SOX5: variants seen among roughly 807,000 people sequenced by gnomAD.
SOX5 encodes transcription factor SOX-5.
A neutral mutation model predicts 92.0 loss-of-function variants in SOX5; 9 were observed. The ratio of observed to expected loss-of-function variants is 0.10; its 90% CI spans 0.06 to 0.17. The LOEUF (loss-of-function observed/expected upper bound fraction) is 0.17. Ranked by LOEUF, SOX5 falls within the 10% of genes least tolerant of loss-of-function variation. The pLI is 1.00. For synonymous variants in SOX5, 344 were observed against 336.3 expected (o/e 1.02, Z -0.25); for missense variants, 642 against 944.5 (o/e 0.68, Z 4.20).
At chr12:23,591,686 A>G (rs565702814) in intron 9 of SOX5, among the ~76,000 whole-genome samples, 3 of 152,150 alleles carry the variant, frequency 2.0e-5, no homozygotes, top group Non-Finnish European at 4.4e-5. Flanking sequence ...GTATTCATGT[A>G]GGGTTGACCT....
chr12:24,441,125 G>A lies in SOX5; in HGVS notation c.-250-72486C>T, dbSNP rs538712321. ...ATTTGTTTCCCAATCCAGAACCCACGTCATAAGACTTTGATCAGAAGGAAC... is the reference window on the plus strand; with the variant it reads ...ATTTGTTTCCCAATCCAGAACCCACATCATAAGACTTTGATCAGAAGGAAC... On this transcript the variant is annotated intron_variant, in intron 1 of 4. Coordinates refer to the SOX5 transcript ENST00000446891. Among the ~76,000 whole-genome samples, 17 of 152,212 alleles carry A rather than the reference G, an allele frequency of 1.1e-4. No individual in the cohort carries two copies. The East Asian group carries it at 1.4e-3, about 12-fold the overall frequency.
intron 9 of SOX5, chr12:23,584,669 T>C (rs1236500429): frequency 1.5e-6 from 2 of 1,330,330 alleles, no homozygotes; most frequent in South Asian, 1.2e-5. Context: ...TGGTTTATAT[T>C]TGGGAGATGA....
chr12:23,592,807 G>A (rs933264903), intron 9 of SOX5, among the ~76,000 whole-genome samples: 8 of 152,102 alleles, frequency 5.3e-5, no homozygotes, highest in Admixed American at 3.3e-4. Context: ...GGCTGGGCGC[G>A]GTGGCTCATG....
At chr12:24,065,992 T>C (rs1940673144) in intron 4 of SOX5, among the ~76,000 whole-genome samples, 1 of 152,222 alleles carries the variant, frequency 6.6e-6, no homozygotes. Context: ...TCATCTATTG[T>C]ACTCTTTTAT....
At chr12:23,740,056 G>A (rs1020103460) in intron 5 of SOX5, among the ~76,000 whole-genome samples, 3 of 152,150 alleles carry the variant, frequency 2.0e-5, no homozygotes, top group Non-Finnish European at 2.9e-5. Context: ...ATAAATGAAT[G>A]AATGTTATCT....
intron 4 of SOX5, among the ~76,000 whole-genome samples, chr12:24,015,318 G>A (rs1466321525): frequency 3.9e-5 from 6 of 151,994 alleles, no homozygotes; most frequent in Non-Finnish European, 7.4e-5. Context: ...CTCTAACTAG[G>A]TTCCTAATTA....
chr12:24,213,601 ATTT>A (rs34063517), intron 3 of SOX5, among the ~76,000 whole-genome samples: 3 of 149,058 alleles, frequency 2.0e-5, no homozygotes, highest in Non-Finnish European at 3.0e-5. Flanking sequence ...CATTATAATA[ATTT>A]TTTTTTTTTC....
intron 1 of SOX5, among the ~76,000 whole-genome samples, chr12:24,560,889 T>C (rs1177132363): frequency 1.3e-5 from 2 of 152,220 alleles, no homozygotes; most frequent in Non-Finnish European, 2.9e-5. Context: ...GCCTACTTCA[T>C]TGGCCTGTTT....
intron 3 of SOX5, among the ~76,000 whole-genome samples, chr12:23,792,507 C>A (rs1188731517): frequency 1.3e-5 from 2 of 151,006 alleles, no homozygotes; most frequent in African/African-American, 4.9e-5. Flanking sequence ...CCTGTAATCC[C>A]AGCTATGCAG....
At chr12:24,132,743 G>C (rs1035533412) in intron 4 of SOX5, among the ~76,000 whole-genome samples, 58 of 152,092 alleles carry the variant, frequency 3.8e-4, no homozygotes, top group African/African-American at 1.4e-3. Flanking sequence ...ACCACCAAAT[G>C]ATGATGGAAA....
At chr12:24,233,202 T>A (rs74842514) in intron 3 of SOX5, among the ~76,000 whole-genome samples, 4,072 of 152,196 alleles carry the variant, frequency 0.027, 86 homozygotes, top group South Asian at 0.099. Flanking sequence ...AGAAAATGGA[T>A]AATGTTTAAA....
At chr12:23,553,396 T>C (rs1254026487) in intron 11 of SOX5, among the ~76,000 whole-genome samples, 4 of 151,978 alleles carry the variant, frequency 2.6e-5, no homozygotes, top group Admixed American at 1.3e-4. Context: ...ATGTGTAATG[T>C]ACAGAAAAGC....
intron 2 of SOX5, among the ~76,000 whole-genome samples, chr12:24,328,684 A>G (rs1950969176): frequency 6.6e-6 from 1 of 152,244 alleles, no homozygotes; most frequent in African/African-American, 2.4e-5. Context: ...CTCAATTCAA[A>G]TTAATTTTAA....
chr12:24,554,816 G>A (rs908504462), intron 1 of SOX5, among the ~76,000 whole-genome samples: 33 of 152,132 alleles, frequency 2.2e-4, no homozygotes, highest in African/African-American at 6.3e-4. Flanking sequence ...CCGCCTCCCC[G>A]CCGACTCTGG....
chr12:23,655,499 G>C (rs2082194083), intron 7 of SOX5, among the ~76,000 whole-genome samples: 1 of 152,096 alleles, frequency 6.6e-6, no homozygotes, highest in Non-Finnish European at 1.5e-5. Context: ...AGGGGCATTC[G>C]CATAAGCCAC....
intron 3 of SOX5, among the ~76,000 whole-genome samples, chr12:23,840,486 A>G (rs929833835): frequency 2.5e-4 from 38 of 152,280 alleles, no homozygotes; most frequent in African/African-American, 8.9e-4. Flanking sequence ...AATTGATTCT[A>G]AAGTCTACAA....
At chr12:24,116,573 C>A (rs1379064627) in intron 4 of SOX5, among the ~76,000 whole-genome samples, 1 of 152,058 alleles carries the variant, frequency 6.6e-6, no homozygotes, top group Non-Finnish European at 1.5e-5. Context: ...TGGATTATTG[C>A]CTATGCTAGC....
intron 13 of SOX5, among the ~76,000 whole-genome samples, chr12:23,540,923 T>A (rs557463172): frequency 2.0e-5 from 3 of 152,326 alleles, no homozygotes; most frequent in African/African-American, 7.2e-5. Flanking sequence ...TACTTTTGTA[T>A]GAAATGGGTC....
intron 4 of SOX5, among the ~76,000 whole-genome samples, chr12:24,149,713 A>T (rs368125301): frequency 2.0e-5 from 3 of 152,316 alleles, no homozygotes; most frequent in East Asian, 3.9e-4. Context: ...AAGTTTGCAT[A>T]CAAATGTTCA....
Sources: gnomAD v4.1 joint callset for allele counts (sites outside exome capture counted in the v4.1 genomes callset) on GRCh38, gnomAD v4.1.1 for gene constraint, MANE v1.5 for transcripts, NCBI Gene and HGNC (gene_info 2026-07-23, HGNC 2026-07-21) for gene names.